DIDO1: variants seen among roughly 807,000 people sequenced by gnomAD.
DIDO1 encodes death inducer-obliterator 1.
A neutral mutation model predicts 99.4 loss-of-function variants in DIDO1; 16 were observed. That is an observed-to-expected ratio of 0.16 (90% confidence interval 0.11 to 0.24). The LOEUF (loss-of-function observed/expected upper bound fraction) is 0.24. Among genes scored for constraint, DIDO1 ranks in the 10% least tolerant of loss-of-function variants. The pLI is 1.00. For missense variants in DIDO1, 2,996 were observed against 3,014.0 expected (o/e 0.99, Z 0.14); for synonymous variants, 1,366 against 1,239.1 (o/e 1.10, Z -2.15).
At chr20:62,889,405 A>T (rs2034765183) in intron 15 of DIDO1, 3 of 985,450 alleles carry the variant, frequency 3.0e-6, no homozygotes, top group South Asian at 4.7e-5. Context: ...TTTGGAGATG[A>T]GCAGGGAGAG....
chr20:62,904,141 C>T (rs972303098), intron 6 of DIDO1, among the ~76,000 whole-genome samples: 12 of 152,156 alleles, frequency 7.9e-5, no homozygotes, highest in African/African-American at 2.7e-4. Context: ...AGGCTATAAC[C>T]GCAGTTTTTC....
chr20:62,893,064 T>C lies in DIDO1; in HGVS notation c.3102-102A>G, dbSNP rs2064433759. On this transcript the variant is annotated intron_variant, in intron 12 of 15. Coordinates refer to ENST00000395343, the MANE Select transcript of DIDO1 (RefSeq NM_001193369.2). ...TTTTTTGAGACAGGATCTCATTCTG[T>C]CATGCAGGCTGGAGTGCGGTGGTGC... The C allele has an allele frequency of 2.3e-6, 3 of 1,306,278 alleles. No individual in the cohort carries two copies. In the Admixed American group the frequency reaches 7.1e-5, roughly 31 times the overall value. The allele number at this position is 1,306,278 out of a possible 1,614,324, so 80.9% of individuals were successfully genotyped here.
In DIDO1 at chr20:62,910,025, A is replaced by T. The variant is rs779144536; in HGVS notation, c.840-5T>A. Reference sequence around the variant, plus strand: ...CGGTCACAGCAAATCATAAACCTGAAATTATAAAATAACGGTATTAGCAAT... The same window carrying T: ...CGGTCACAGCAAATCATAAACCTGATATTATAAAATAACGGTATTAGCAAT... On this transcript the variant is annotated splice_region_variant and splice_polypyrimidine_tract_variant and intron_variant, in intron 3 of 15. Coordinates refer to ENST00000395343, the MANE Select transcript of DIDO1 (RefSeq NM_001193369.2). 5 of 1,600,218 alleles carry T rather than the reference A, an allele frequency of 3.1e-6. No individual in the cohort carries two copies. The highest frequency in any genetic ancestry group is 4.3e-6 in the Non-Finnish European group (5 of 1,175,122).
At chr20:62,888,552 T>C in intron 15 of DIDO1, 4 of 985,520 alleles carry the variant, frequency 4.1e-6, no homozygotes, top group Non-Finnish European at 4.8e-6. Flanking sequence ...GTCACCACCA[T>C]CAGCACCCTC....
chr20:62,911,375 T>C lies in DIDO1; in HGVS notation c.238A>G (p.Ile80Val), dbSNP rs1344044774. ...CTCCTCCTGCCGCGGCGCCGCGCAA[T>C]GGTCAGGAACTGCTCCACGCGCTCA... Reference protein sequence around the residue: ...RTERVEQFLTIARRRGRRSMP... With the variant: ...RTERVEQFLTVARRRGRRSMP... The change falls in exon 3 of 16, where the codon ATT becomes GTT. Residue 80 changes from isoleucine (I) to valine (V), a missense_variant. Transcript: ENST00000395343. This position sits in a 1 kb window ranked among gnomAD's most constrained non-coding sequence, Gnocchi z 7.0. 3.7e-6 allele frequency: 6 copies of C among 1,611,886 alleles called. No homozygotes were observed. The highest frequency in any genetic ancestry group is 4.2e-6 in the Non-Finnish European group (5 of 1,179,946).
In DIDO1 at chr20:62,936,489, AG is replaced by A. The variant is rs1030798002; in HGVS notation, c.-200+1306del. On this transcript the variant is annotated intron_variant, in intron 1 of 15. Coordinates refer to the DIDO1 transcript ENST00000266070. ...AGAATCACTTGAACCCAGGAGGCGG[AG>A]GTTGCAGTGAGTCGAGATCATGACA... is the stretch of plus-strand genomic sequence containing the variant. 9.2e-4 allele frequency among the ~76,000 whole-genome samples: 139 copies of A among 151,532 alleles called. 1 individual carries two copies. Among genetic ancestry groups the A allele is most frequent in the African/African-American group, 3.1e-3 (128 of 41,222 alleles).
intron 15 of DIDO1, among the ~76,000 whole-genome samples, chr20:62,884,876 G>T (rs1324145955): frequency 6.6e-6 from 1 of 152,166 alleles, no homozygotes; most frequent in African/African-American, 2.4e-5. Context: ...AGAGGAGGAG[G>T]GAAGCAGGAA....
At chr20:62,889,616 C>T (rs928078148) in intron 15 of DIDO1, 1 of 985,316 alleles carries the variant, frequency 1.0e-6, no homozygotes, top group African/African-American at 1.7e-5. Flanking sequence ...GAGAGGCCAG[C>T]TTCTCGGTCT....
At chr20:62,890,482 A>T in intron 15 of DIDO1, 2 of 992,936 alleles carry the variant, frequency 2.0e-6, no homozygotes, top group Non-Finnish European at 2.4e-6. Flanking sequence ...TGCAGATTTT[A>T]AAATAATTAT....
intron 6 of DIDO1, among the ~76,000 whole-genome samples, chr20:62,899,668 G>A (rs1311163215): frequency 6.6e-6 from 1 of 152,194 alleles, no homozygotes; most frequent in Non-Finnish European, 1.5e-5. Flanking sequence ...AAAATTAACT[G>A]CTCCCTTTCT....
chr20:62,916,879 C>T (rs1047075224), intron 1 of DIDO1, among the ~76,000 whole-genome samples: 1 of 152,100 alleles, frequency 6.6e-6, no homozygotes. Context: ...AGGAACTTCT[C>T]CCTTTCTTTC....
At chr20:62,917,612 C>T (rs1051178940) in intron 1 of DIDO1, among the ~76,000 whole-genome samples, 2 of 152,156 alleles carry the variant, frequency 1.3e-5, no homozygotes, top group Non-Finnish European at 2.9e-5. Context: ...TAGGGCTGTG[C>T]GTGGACAGTA....
chr20:62,894,388 G>C lies in DIDO1; in HGVS notation c.2572+25C>G. 6.2e-7 allele frequency: 1 copy of C among 1,605,484 alleles called. No homozygotes were observed. The highest frequency in any genetic ancestry group is 8.5e-7 in the Non-Finnish European group (1 of 1,177,066). ...AATCAAGTTTAGTCTCAGCTCCAAG[G>C]CTCCATCCCCTGCACTGTGCTCACC... On this transcript the variant is annotated intron_variant, in intron 11 of 15. Coordinates refer to ENST00000395343, the MANE Select transcript of DIDO1 (RefSeq NM_001193369.2). This position sits in a 1 kb window ranked among gnomAD's most constrained non-coding sequence, Gnocchi z 4.4.
intron 15 of DIDO1, chr20:62,887,252 C>T: frequency 2.0e-6 from 2 of 985,454 alleles, no homozygotes; most frequent in Non-Finnish European, 2.4e-6. Context: ...GAGGAGAAGG[C>T]AGTACATTCC....
chr20:62,926,494 G>C lies in DIDO1; in HGVS notation c.-255C>G, dbSNP rs562420807. 44 of 152,130 alleles carry C rather than the reference G, an allele frequency of 2.9e-4. No individual in the cohort carries two copies. Among genetic ancestry groups the C allele is most frequent in the Admixed American group, 1.7e-3 (26 of 15,290 alleles). The allele number at this position is 152,130 out of a possible 1,614,324, so 9.4% of individuals were successfully genotyped here. ...CCCGAACGCCGCGGAGTGGGCGGAC[G>C]GCCACCGAGATGGCGCGGGGCTAGA... On this transcript the variant is annotated 5_prime_UTR_variant, in exon 1 of 16. Coordinates refer to ENST00000395343, the MANE Select transcript of DIDO1 (RefSeq NM_001193369.2).
At chr20:62,890,007 C>G (rs1250002594) in intron 15 of DIDO1, 7 of 985,424 alleles carry the variant, frequency 7.1e-6, no homozygotes, top group Non-Finnish European at 8.4e-6. Context: ...GGAGTGGCCC[C>G]TACAGGACCC....
upstream of DIDO1, chr20:62,926,562 G>C (rs1484306714): frequency 6.6e-6 from 1 of 152,002 alleles, no homozygotes; most frequent in African/African-American, 2.4e-5. Context: ...ACCGGCCACC[G>C]AGACGCTGCG....
At chr20:62,892,710 C>T (rs1273347038) in intron 13 of DIDO1, 99 bp downstream of exon 13, 17 of 1,444,486 alleles carry the variant, frequency 1.2e-5, no homozygotes, top group Non-Finnish European at 1.6e-5. Flanking sequence ...CTGTTTCTCT[C>T]CTACCTCATG....
chr20:62,908,672 G>C (rs1318709982), intron 4 of DIDO1, among the ~76,000 whole-genome samples: 1 of 152,100 alleles, frequency 6.6e-6, no homozygotes, highest in Non-Finnish European at 1.5e-5. Context: ...ATTTAGGTTT[G>C]TGCAGGGTAT....
Sources: allele counts gnomAD v4.1 joint callset (sites outside exome capture counted in the v4.1 genomes callset), GRCh38; gene constraint gnomAD v4.1.1; non-coding constraint Gnocchi (gnomAD v3.1); transcripts MANE v1.5; gene names NCBI Gene and HGNC (gene_info 2026-07-23, HGNC 2026-07-21).